SPRR2F: variants seen among roughly 807,000 people sequenced by gnomAD.
SPRR2F encodes the protein small proline rich protein 2F, also known as small proline-rich protein 2F.
A neutral mutation model predicts 0.8 loss-of-function variants in SPRR2F; 2 were observed. The observed-to-expected ratio is 2.52, with a 90% CI of 1.03 to 7.95. The LOEUF (loss-of-function observed/expected upper bound fraction) is 7.95. Ranked by LOEUF, SPRR2F falls within the 30% of genes most tolerant of loss-of-function variation. The pLI is 0.04. For synonymous variants in SPRR2F, 39 were observed against 33.4 expected, an observed-to-expected ratio of 1.17 and a Z score of -0.58; for missense variants, 80 against 85.8, an observed-to-expected ratio of 0.93 and a Z score of 0.27.
At position 153,112,371 on chromosome 1, in the gene SPRR2F, C is replaced by T. The variant is rs1044074395; in HGVS notation, c.*144G>A. On this transcript the variant is annotated 3_prime_UTR_variant, in exon 2 of 2. Transcript: ENST00000468739. Reference sequence around the variant, plus strand: ...AAGAAAACCTTTTGCTATCAGAGATCATCACAGGCCGATCACAGGCTAAGA... The same window carrying T: ...AAGAAAACCTTTTGCTATCAGAGATTATCACAGGCCGATCACAGGCTAAGA... The T allele has an allele frequency of 4.2e-6, 6 of 1,425,094 alleles. No individual in the cohort carries two copies. The highest frequency in any genetic ancestry group is 5.7e-6 in the Non-Finnish European group (6 of 1,055,874). The allele number at this position is 1,425,094 out of a possible 1,614,324, so 88.3% of individuals were successfully genotyped here.
At chr1:153,117,915 A>C (rs917529678), upstream of SPRR2F, among the ~76,000 whole-genome samples, 1 of 152,064 alleles carries the variant, frequency 6.6e-6, no homozygotes, top group Admixed American at 6.5e-5. Context: ...ACTCTAACAT[A>C]GAAGAGGGCT....
chr1:153,113,053 A>T (rs1655637471), intron 1 of SPRR2F, among the ~76,000 whole-genome samples: 1 of 152,126 alleles, frequency 6.6e-6, no homozygotes, highest in South Asian at 2.1e-4. Flanking sequence ...AAGTTCAGAT[A>T]CCCAGGGCTA....
At chr1:153,118,496 T>A (rs1171131232), upstream of SPRR2F, among the ~76,000 whole-genome samples, 2 of 152,088 alleles carry the variant, frequency 1.3e-5, no homozygotes, top group African/African-American at 4.8e-5. Context: ...ATATAAGTGA[T>A]CCTTAATAAG....
At chr1:153,115,601 C>T (rs1655708019), upstream of SPRR2F, among the ~76,000 whole-genome samples, 1 of 152,130 alleles carries the variant, frequency 6.6e-6, no homozygotes, top group South Asian at 2.1e-4. Context: ...ATGGCCACAA[C>T]ATGAAGAGGG....
chr1:153,113,966 A>C (rs1268386932), upstream of SPRR2F, among the ~76,000 whole-genome samples: 1 of 147,374 alleles, frequency 6.8e-6, no homozygotes, highest in Non-Finnish European at 1.5e-5. Flanking sequence ...GGAGAGACCT[A>C]ACAAAGGCCT....
Position 153,112,377 on chromosome 1 carries a change from A to G in SPRR2F, c.*138T>C. 1 of 1,446,238 alleles carries G rather than the reference A, an allele frequency of 6.9e-7. No individual in the cohort carries two copies. Among genetic ancestry groups the G allele is most frequent in the South Asian group, 1.4e-5 (1 of 72,850 alleles). 89.6% of individuals were successfully genotyped at this position (1,446,238 alleles called of 1,614,324 possible). On this transcript the variant is annotated 3_prime_UTR_variant, in exon 2 of 2. Coordinates refer to ENST00000468739, the MANE Select transcript of SPRR2F (RefSeq NM_001014450.3). ...ACCTTTTGCTATCAGAGATCATCAC[A>G]GGCCGATCACAGGCTAAGAGGAAAG...
rs962680640 is a variant in SPRR2F, at chr1:153,112,737, G to T, written c.-4C>A. 1.9e-6 allele frequency: 3 copies of T among 1,611,592 alleles called. No individual in the cohort carries two copies. In the Admixed American group the frequency reaches 5.0e-5, roughly 27 times the overall value. On this transcript the variant is annotated 5_prime_UTR_variant, in exon 2 of 2. Transcript: ENST00000468739. ...ACTGCTGCTGTTGATAAGACATCCT[G>T]CTGGAGTCTCAGAATCTGAAAGAAA...
upstream of SPRR2F, among the ~76,000 whole-genome samples, chr1:153,115,365 C>A (rs1201916450): frequency 6.6e-6 from 1 of 152,106 alleles, no homozygotes; most frequent in Admixed American, 6.6e-5. Context: ...TTCTAACATG[C>A]AAAATTGGAG....
upstream of SPRR2F, among the ~76,000 whole-genome samples, chr1:153,116,157 A>G (rs375392097): frequency 6.6e-6 from 1 of 152,178 alleles, no homozygotes; most frequent in Non-Finnish European, 1.5e-5. Context: ...ACATTCCATC[A>G]TTATTCCATA....
At chr1:153,115,051 C>T (rs181015263), upstream of SPRR2F, among the ~76,000 whole-genome samples, 11 of 152,202 alleles carry the variant, frequency 7.2e-5, no homozygotes, top group African/African-American at 2.6e-4. Context: ...CTGAATCAAC[C>T]CAGCATCACA....
At chr1:153,116,589 TTTA>T (rs1011847933), upstream of SPRR2F, among the ~76,000 whole-genome samples, 1 of 152,138 alleles carries the variant, frequency 6.6e-6, no homozygotes, top group African/African-American at 2.4e-5. Flanking sequence ...TAGGAATTGT[TTTA>T]TTATTATACC....
chr1:153,112,255 G>C lies in SPRR2F; in HGVS notation c.*260C>G, dbSNP rs187700029. 15 of 564,360 alleles carry C rather than the reference G, an allele frequency of 2.7e-5. No individual in the cohort carries two copies. The highest frequency in any genetic ancestry group is 3.8e-5 in the Non-Finnish European group (13 of 340,462). 35.0% of individuals were successfully genotyped at this position (564,360 alleles called of 1,614,324 possible). A position where few individuals can be genotyped will look rare whatever the true frequency, so the allele number is the denominator to read the frequency against. On this transcript the variant is annotated 3_prime_UTR_variant, in exon 2 of 2. Transcript: ENST00000468739. ...TCTAATGGTTCCCAGGGAGAGAGCTGCTCTTTCTTCTGAAGCTCTGGGAGC... is the reference window on the plus strand; with the variant it reads ...TCTAATGGTTCCCAGGGAGAGAGCTCCTCTTTCTTCTGAAGCTCTGGGAGC...
chr1:153,117,131 G>A (rs1655735397), upstream of SPRR2F, among the ~76,000 whole-genome samples: 1 of 151,938 alleles, frequency 6.6e-6, no homozygotes, highest in East Asian at 1.9e-4. Context: ...TTTCTTTTAG[G>A]TCAGAGCCAG....
chr1:153,115,287 G>A (rs1655701320), upstream of SPRR2F, among the ~76,000 whole-genome samples: 1 of 152,106 alleles, frequency 6.6e-6, no homozygotes, highest in African/African-American at 2.4e-5. Context: ...TTATTCAATA[G>A]GTCACTTACT....
In SPRR2F at chr1:153,112,271, C is replaced by T. The variant is rs542760562; in HGVS notation, c.*244G>A. On this transcript the variant is annotated 3_prime_UTR_variant, in exon 2 of 2. Coordinates refer to ENST00000468739, the MANE Select transcript of SPRR2F (RefSeq NM_001014450.3). ...GAGAGAGCTGCTCTTTCTTCTGAAGCTCTGGGAGCTGGCACAGCCCAGGAC... is the reference window on the plus strand; with the variant it reads ...GAGAGAGCTGCTCTTTCTTCTGAAGTTCTGGGAGCTGGCACAGCCCAGGAC... The T allele has an allele frequency of 2.5e-5, 15 of 607,702 alleles. No individual in the cohort carries two copies. In the Admixed American group the frequency reaches 3.5e-4, roughly 14 times the overall value. 37.6% of individuals were successfully genotyped at this position (607,702 alleles called of 1,614,324 possible).
At chr1:153,116,066 G>A (rs914698157), upstream of SPRR2F, among the ~76,000 whole-genome samples, 8 of 152,134 alleles carry the variant, frequency 5.3e-5, no homozygotes, top group African/African-American at 1.9e-4. Flanking sequence ...CAGGAATTGT[G>A]GGAAGATTTT....
At chr1:153,113,176 C>T (rs536575990) in intron 1 of SPRR2F, among the ~76,000 whole-genome samples, 4 of 152,278 alleles carry the variant, frequency 2.6e-5, no homozygotes, top group African/African-American at 9.6e-5. Flanking sequence ...CCTGCTACGA[C>T]ATAAACCTTT....
chr1:153,112,809 C>A (rs1655631067), intron 1 of SPRR2F, 57 bp from the exon 2 acceptor site: 3 of 1,603,496 alleles, frequency 1.9e-6, no homozygotes, highest in South Asian at 1.1e-5. Context: ...AGAGAGAAGC[C>A]AAAGCTTATG....
chr1:153,115,967 A>G (rs546137572), upstream of SPRR2F, among the ~76,000 whole-genome samples: 3 of 152,332 alleles, frequency 2.0e-5, no homozygotes, highest in African/African-American at 4.8e-5. Flanking sequence ...TTCAACTTCT[A>G]TCTCACATTT....
Sources: gnomAD v4.1 joint callset for allele counts (sites outside exome capture counted in the v4.1 genomes callset) on GRCh38, gnomAD v4.1.1 for gene constraint, MANE v1.5 for transcripts, NCBI Gene and HGNC (gene_info 2026-07-23, HGNC 2026-07-21) for gene names.